Variants in DACH2 observed in about 807,000 individuals in gnomAD.
DACH2 encodes dachshund family transcription factor 2.
In DACH2, 17 loss-of-function variants were observed where a neutral mutation model predicts 35.8. That is an observed-to-expected ratio of 0.48 (90% CI 0.33 to 0.71). The LOEUF (loss-of-function observed/expected upper bound fraction) is 0.71, where lower values mean the gene tolerates loss of function less well. Among genes scored for constraint, DACH2 ranks in the 30% least tolerant of loss-of-function variants. The pLI is 0.02. For synonymous variants in DACH2, 195 were observed against 177.3 expected (o/e 1.10, Z -0.79); for missense variants, 469 against 472.7 (o/e 0.99, Z 0.07).
rs1454620885 is a variant in DACH2 at position 86,813,167 on chromosome X, A to G, written c.1427A>G (p.Gln476Arg). Residue 476 changes from glutamine to arginine, a missense_variant, in exon 9 of 12, where the codon CAG becomes CGG. Transcript: ENST00000373125. ...GTTGCTTTGGATAATGCTCGCATCC[A>G]GGAGAAGCAGATTCAACAAGAAAAG... ...LKVALDNARI[Q>R]EKQIQQEKKE... is the part of the protein sequence containing the mutation. 2 of 1,205,903 alleles carry G rather than the reference A, an allele frequency of 1.7e-6. No individual in the cohort carries two copies. The highest frequency in any genetic ancestry group is 2.2e-6 in the Non-Finnish European group (2 of 893,671).
At chrX:86,686,477 C>T (rs892790634) in intron 4 of DACH2, among the ~76,000 whole-genome samples, 6 of 110,334 alleles carry the variant, frequency 5.4e-5, no homozygotes, top group South Asian at 3.9e-4. Context: ...GTGACCCACC[C>T]GCCTCGGCCT....
At chrX:86,350,230 T>C (rs1292958793) in intron 1 of DACH2, among the ~76,000 whole-genome samples, 1 of 16,443 alleles carries the variant, frequency 6.1e-5, no homozygotes, top group Non-Finnish European at 1.1e-4. Flanking sequence ...GTTTGTTTTT[T>C]TCTTGTAAAT....
chrX:86,178,909 A>T (rs1452103987), intron 1 of DACH2, among the ~76,000 whole-genome samples: 1 of 111,997 alleles, frequency 8.9e-6, no homozygotes, highest in East Asian at 2.8e-4. Context: ...ATAAAATGAA[A>T]CAGTTTTCAG....
chrX:86,516,066 C>G (rs1293374366), intron 3 of DACH2, among the ~76,000 whole-genome samples: 1 of 111,806 alleles, frequency 8.9e-6, no homozygotes, highest in Non-Finnish European at 1.9e-5. Context: ...TTAACTCAGA[C>G]AGAGAACTTG....
intron 3 of DACH2, among the ~76,000 whole-genome samples, chrX:86,612,193 G>C (rs1015029937): frequency 9.3e-6 from 1 of 107,945 alleles, no homozygotes; most frequent in Non-Finnish European, 1.9e-5. Flanking sequence ...CTCTGTCTGG[G>C]ACCCTATCCT....
intron 6 of DACH2, among the ~76,000 whole-genome samples, chrX:86,733,427 A>ATGGT (rs2041555442): frequency 1.8e-5 from 2 of 112,130 alleles, no homozygotes; most frequent in Non-Finnish European, 3.8e-5. Flanking sequence ...TGGCTCAACT[A>ATGGT]TTAGCATGTG....
intron 1 of DACH2, among the ~76,000 whole-genome samples, chrX:86,309,724 T>G (rs1282060003): frequency 8.9e-6 from 1 of 112,344 alleles, no homozygotes; most frequent in Non-Finnish European, 1.9e-5. Flanking sequence ...AAGTAGAGAA[T>G]AAATTGCTGT....
intron 3 of DACH2, among the ~76,000 whole-genome samples, chrX:86,610,363 CTCTTTCTTTCTTTCTTTCTTTCTT>C (rs201309617): frequency 2.0e-3 from 142 of 70,093 alleles, no homozygotes; most frequent in Non-Finnish European, 3.4e-3. Context: ...TCCTTCCTTC[CTCTTTCTTTCTTTCTTTCTTTCTT>C]TCTTTCTTTC....
intron 1 of DACH2, among the ~76,000 whole-genome samples, chrX:86,172,252 G>A (rs7061344): frequency 1.8e-5 from 2 of 111,447 alleles, no homozygotes; most frequent in Admixed American, 9.5e-5. Context: ...ATAATTTTGT[G>A]GTGAAATTTC....
intron 1 of DACH2, among the ~76,000 whole-genome samples, chrX:86,319,846 C>G (rs1221769610): frequency 9.0e-6 from 1 of 111,722 alleles, no homozygotes; most frequent in Non-Finnish European, 1.9e-5. Context: ...ACACACATAA[C>G]ACATATGTAA....
intron 2 of DACH2, among the ~76,000 whole-genome samples, chrX:86,443,930 G>A (rs1050716765): frequency 5.4e-5 from 6 of 111,108 alleles, no homozygotes; most frequent in African/African-American, 2.0e-4. Flanking sequence ...TTGCATCTAT[G>A]CATATTAGAG....
intron 1 of DACH2, among the ~76,000 whole-genome samples, chrX:86,172,416 C>A (rs2031154894): frequency 1.8e-5 from 2 of 112,136 alleles, no homozygotes; most frequent in African/African-American, 6.5e-5. Context: ...ATCTCATGGT[C>A]TGCAGCAGTT....
intron 4 of DACH2, among the ~76,000 whole-genome samples, chrX:86,686,031 A>T (rs112441347): frequency 1.0e-3 from 112 of 111,712 alleles, no homozygotes; most frequent in Non-Finnish European, 1.8e-3. Flanking sequence ...AGAATGAAAG[A>T]AGGAACTCAA....
At chrX:86,522,446 T>C (rs1008227665) in intron 3 of DACH2, among the ~76,000 whole-genome samples, 1 of 111,861 alleles carries the variant, frequency 8.9e-6, no homozygotes, top group African/African-American at 3.2e-5. Context: ...TTAGATATTA[T>C]ATCTATGTAA....
chrX:86,669,010 T>A (rs1158088716), intron 4 of DACH2, among the ~76,000 whole-genome samples: 1 of 111,793 alleles, frequency 8.9e-6, no homozygotes, highest in East Asian at 2.8e-4. Context: ...ACAAAGAATT[T>A]AATGAGTTGA....
At chrX:86,283,311 A>G (rs1415497134) in intron 1 of DACH2, among the ~76,000 whole-genome samples, 1 of 111,623 alleles carries the variant, frequency 9.0e-6, no homozygotes, top group Non-Finnish European at 1.9e-5. Flanking sequence ...CCATTGTGGA[A>G]GACAGTGTGG....
chrX:86,308,268 A>G (rs1467537313), intron 1 of DACH2, among the ~76,000 whole-genome samples: 1 of 112,854 alleles, frequency 8.9e-6, no homozygotes, highest in African/African-American at 3.2e-5. Context: ...GGGAACCACA[A>G]TTACTCAGCT....
chrX:86,653,952 C>A (rs2148408779), intron 4 of DACH2, among the ~76,000 whole-genome samples: 1 of 109,967 alleles, frequency 9.1e-6, no homozygotes, highest in South Asian at 3.9e-4. Context: ...CAGGTGTGAG[C>A]CACTGCGCCC....
intron 4 of DACH2, among the ~76,000 whole-genome samples, chrX:86,652,290 T>C (rs905400351): frequency 4.4e-5 from 5 of 112,548 alleles, no homozygotes; most frequent in Non-Finnish European, 5.6e-5. Context: ...TTGCTTTTTA[T>C]TGCTGCATAG....
Sources: gnomAD v4.1 joint callset for allele counts (sites outside exome capture counted in the v4.1 genomes callset) on GRCh38, gnomAD v4.1.1 for gene constraint, MANE v1.5 for transcripts, NCBI Gene and HGNC (gene_info 2026-07-23, HGNC 2026-07-21) for gene names.